The following BICD1 variants were observed in gnomAD, a reference collection of about 807,000 sequenced individuals.
BICD1 encodes the protein protein bicaudal D homolog 1.
A neutral mutation model predicts 92.5 loss-of-function variants in BICD1; 35 were observed. The ratio of observed to expected loss-of-function variants is 0.38; its 90% CI spans 0.29 to 0.50. The LOEUF (loss-of-function observed/expected upper bound fraction) is 0.50. BICD1 is among the 20% of genes least tolerant of loss of function. BICD1 has a pLI of 0.93. For synonymous variants in BICD1, 429 were observed against 465.1 expected, an observed-to-expected ratio of 0.92 and a Z score of 1.00; for missense variants, 950 against 1,189.8, an observed-to-expected ratio of 0.80 and a Z score of 2.97.
chr12:32,144,359 G>T (rs9651845), intron 1 of BICD1, among the ~76,000 whole-genome samples: 17,412 of 152,084 alleles, frequency 0.11, 1,183 homozygotes, highest in South Asian at 0.21. Context: ...TATCACAATA[G>T]GACAGTAGGG....
chr12:32,359,988 A>G (rs745734964), intron 8 of BICD1, among the ~76,000 whole-genome samples: 19 of 152,132 alleles, frequency 1.2e-4, no homozygotes, highest in Non-Finnish European at 2.5e-4. Context: ...GATCGAGACC[A>G]TCCTGGCTAA....
chr12:32,122,090 A>G (rs2121233748), intron 1 of BICD1, among the ~76,000 whole-genome samples: 1 of 152,250 alleles, frequency 6.6e-6, no homozygotes, highest in Admixed American at 6.5e-5. Context: ...TGCTGGGATT[A>G]CAGGTGTGTA....
chr12:32,262,241 A>G (rs1225883247), intron 2 of BICD1, among the ~76,000 whole-genome samples: 5 of 151,254 alleles, frequency 3.3e-5, no homozygotes, highest in African/African-American at 7.3e-5. Flanking sequence ...TTTTTTGGCC[A>G]CTCTGCTCTT....
intron 8 of BICD1, among the ~76,000 whole-genome samples, chr12:32,348,747 T>A (rs1338602215): frequency 1.4e-4 from 3 of 21,012 alleles, no homozygotes; most frequent in Non-Finnish European, 2.4e-4. Flanking sequence ...TATATATATA[T>A]ATATATATAT....
intron 1 of BICD1, among the ~76,000 whole-genome samples, chr12:32,117,505 A>G (rs999898365): frequency 2.6e-5 from 4 of 152,000 alleles, no homozygotes; most frequent in African/African-American, 9.7e-5. Flanking sequence ...ACTAATGGGT[A>G]ATATAAAGCT....
chr12:32,132,364 C>T (rs1173676158), intron 1 of BICD1, among the ~76,000 whole-genome samples: 3 of 149,152 alleles, frequency 2.0e-5, no homozygotes, highest in East Asian at 3.9e-4. Context: ...TGCAGTGAAC[C>T]GAGATTGTGC....
rs749685553 is a variant in BICD1 at position 32,339,026 on chromosome 12, A to G, written c.2764+47A>G. 4.6e-6 allele frequency: 7 copies of G among 1,531,128 alleles called. No individual in the cohort carries two copies. In the African/African-American group the frequency reaches 9.8e-5, roughly 22 times the overall value. 94.8% of individuals were successfully genotyped at this position (1,531,128 alleles called of 1,614,324 possible). On this transcript the variant is annotated intron_variant, in intron 8 of 9. Transcript: ENST00000652176. ...GCATGTGATGCAAATGATTAGTTGA[A>G]TAGACTCTCCCCTTCCTTCCGGTCA...
chr12:32,284,508 G>A (rs911301842), intron 2 of BICD1, among the ~76,000 whole-genome samples: 1 of 152,124 alleles, frequency 6.6e-6, no homozygotes, highest in African/African-American at 2.4e-5. Flanking sequence ...TAACTGAGAT[G>A]TTCCCCGATC....
At chr12:32,345,289 AAAG>A (rs1313674606) in intron 8 of BICD1, among the ~76,000 whole-genome samples, 1 of 151,770 alleles carries the variant, frequency 6.6e-6, no homozygotes, top group Non-Finnish European at 1.5e-5. Context: ...AAAAAAAAAA[AAAG>A]AAGAAAAAAT....
In BICD1 at chr12:32,142,421, A is replaced by C. The variant is rs1020901776; in HGVS notation, c.213+34877A>C. On this transcript the variant is annotated intron_variant, in intron 1 of 9. Transcript: ENST00000652176. ...GACTCTGTCTAAAAAAAAAAAAAAAAAAAAAAAAAACAAAAAACCCCACCT... is the reference window on the plus strand; with the variant it reads ...GACTCTGTCTAAAAAAAAAAAAAAACAAAAAAAAAACAAAAAACCCCACCT... 1.4e-3 allele frequency among the ~76,000 whole-genome samples: 100 copies of C among 69,018 alleles called. 1 individual carries two copies. The highest frequency in any genetic ancestry group is 2.4e-3 in the African/African-American group (36 of 14,872). The allele number at this position is 69,018 out of a possible 152,430, so 45.3% of individuals were successfully genotyped here. A position where few individuals can be genotyped will look rare whatever the true frequency, so the allele number is the denominator to read the frequency against.
intron 8 of BICD1, chr12:32,354,112 C>T (rs1335066765): frequency 1.3e-5 from 2 of 152,080 alleles, no homozygotes; most frequent in Non-Finnish European, 2.9e-5. Flanking sequence ...TTCTCTTTTG[C>T]AAGATTTGAA....
intron 2 of BICD1, among the ~76,000 whole-genome samples, chr12:32,284,383 T>A (rs1278649762): frequency 2.0e-5 from 3 of 152,250 alleles, no homozygotes; most frequent in Non-Finnish European, 4.4e-5. Flanking sequence ...CACTTTATTA[T>A]AAAATTTCTT....
chr12:32,257,372 T>C (rs925103749), intron 2 of BICD1, among the ~76,000 whole-genome samples: 13 of 152,168 alleles, frequency 8.5e-5, no homozygotes, highest in East Asian at 1.9e-4. Context: ...ATATAAAATA[T>C]GTTATTTGTA....
At chr12:32,371,559 T>G (rs184351626) in intron 9 of BICD1, among the ~76,000 whole-genome samples, 15 of 152,170 alleles carry the variant, frequency 9.9e-5, no homozygotes, top group South Asian at 2.1e-4. Context: ...TTTTTGTTTG[T>G]TTGGTTTAGT....
intron 9 of BICD1, 70 bp downstream of exon 9, chr12:32,367,815 G>T: frequency 1.4e-6 from 2 of 1,384,862 alleles, no homozygotes; most frequent in South Asian, 1.2e-5. Flanking sequence ...TCCCCTTTCC[G>T]ACACCTGAAC....
chr12:32,224,116 T>C (rs996516604), intron 2 of BICD1, among the ~76,000 whole-genome samples: 12 of 152,314 alleles, frequency 7.9e-5, no homozygotes, highest in African/African-American at 2.9e-4. Context: ...TAATTGGTCA[T>C]TGGGAGCTGT....
At chr12:32,238,695 A>C (rs1389224178) in intron 2 of BICD1, among the ~76,000 whole-genome samples, 1 of 152,210 alleles carries the variant, frequency 6.6e-6, no homozygotes, top group Non-Finnish European at 1.5e-5. Context: ...CTGTAATCCC[A>C]GCACTTTGGG....
intron 1 of BICD1, among the ~76,000 whole-genome samples, chr12:32,179,362 C>T (rs1189531443): frequency 6.6e-6 from 1 of 151,858 alleles, no homozygotes; most frequent in Non-Finnish European, 1.5e-5. Context: ...AAATCAATTT[C>T]CAGATGAAGT....
chr12:32,176,938 G>A (rs12319979), intron 1 of BICD1, among the ~76,000 whole-genome samples: 3,849 of 151,520 alleles, frequency 0.025, 170 homozygotes, highest in African/African-American at 0.089. Context: ...TCCCAAGAGT[G>A]TAATTGCTGG....
Sources: allele counts gnomAD v4.1 joint callset (sites outside exome capture counted in the v4.1 genomes callset), GRCh38; gene constraint gnomAD v4.1.1; transcripts MANE v1.5; gene names NCBI Gene and HGNC (gene_info 2026-07-23, HGNC 2026-07-21).